Variants in CASKIN1 observed in about 807,000 individuals in gnomAD.
The protein encoded by CASKIN1 is CASK interacting protein 1.
A neutral mutation model predicts 117.5 loss-of-function variants in CASKIN1; 42 were observed. The ratio of observed to expected loss-of-function variants is 0.36; its 90% CI spans 0.28 to 0.46. The LOEUF is 0.46. CASKIN1 is among the 20% of genes least tolerant of loss of function. CASKIN1 has a pLI of 1.00. For synonymous variants in CASKIN1, 1,148 were observed against 961.7 expected, an observed-to-expected ratio of 1.19 and a Z score of -3.59; for missense variants, 2,083 against 2,077.3, an observed-to-expected ratio of 1.00 and a Z score of -0.05.
In CASKIN1 at chr16:2,187,251, C is replaced by T; in HGVS notation, c.750G>A (p.Arg250=). Residue 250 remains arginine, a synonymous_variant, in exon 8 of 20, where the codon AGG becomes AGA. Transcript: ENST00000343516. ...CCAGGGCTGTCTGGCTGTAGGTGTT[C>T]CTCACGTGGGCATTGATCCCGCTCT... The part of the protein sequence containing the change: ...LLDSGINAHV[R]NTYSQTALDI... 1 of 1,614,036 alleles carries T rather than the reference C, an allele frequency of 6.2e-7. No individual in the cohort carries two copies. The highest frequency in any genetic ancestry group is 8.5e-7 in the Non-Finnish European group (1 of 1,179,970).
chr16:2,191,381 G>A (rs902557501), intron 1 of CASKIN1, among the ~76,000 whole-genome samples: 3 of 152,208 alleles, frequency 2.0e-5, no homozygotes, highest in Non-Finnish European at 2.9e-5. Context: ...GATGACCCAC[G>A]AGGCTGGCCG....
intron 19 of CASKIN1, 50 bp downstream of exon 19, chr16:2,178,852 A>G (rs1035926889): frequency 1.7e-5 from 21 of 1,230,900 alleles, no homozygotes; most frequent in Admixed American, 8.8e-5. Context: ...AGCCCCGCCC[A>G]TCTCTGCCGA....
chr16:2,185,958 G>A (rs1394138878), intron 10 of CASKIN1, among the ~76,000 whole-genome samples: 1 of 152,158 alleles, frequency 6.6e-6, no homozygotes, highest in Non-Finnish European at 1.5e-5. Context: ...TTCACCAAGA[G>A]CAAACACTTG....
At position 2,186,170 on chromosome 16, in the gene CASKIN1, T is replaced by G. The variant is rs140088932; in HGVS notation, c.1048+537A>C. 4.3e-3 allele frequency among the ~76,000 whole-genome samples: 648 copies of G among 152,264 alleles called. 2 individuals are homozygous for G. Among genetic ancestry groups the G allele is most frequent in the African/African-American group, 0.015 (604 of 41,552 alleles). On this transcript the variant is annotated intron_variant, in intron 10 of 19. Transcript: ENST00000343516. ...TTTTTGTAGACATGGAATCTCACTATGTTGCCCAGGCTGATCTCGAACTCC... is the reference window on the plus strand; with the variant it reads ...TTTTTGTAGACATGGAATCTCACTAGGTTGCCCAGGCTGATCTCGAACTCC...
intron 1 of CASKIN1, among the ~76,000 whole-genome samples, chr16:2,195,916 C>A (rs1218006144): frequency 6.6e-6 from 1 of 152,086 alleles, no homozygotes; most frequent in Non-Finnish European, 1.5e-5. Context: ...CTGTCACCTC[C>A]CGGGTCGCCC....
In CASKIN1 at chr16:2,178,147, G is replaced by A. The variant is rs1399449032; in HGVS notation, c.*403C>T. 4.1e-6 allele frequency: 2 copies of A among 493,542 alleles called. No individual in the cohort carries two copies. Among genetic ancestry groups the A allele is most frequent in the Non-Finnish European group, 7.8e-6 (2 of 257,432 alleles). The allele number at this position is 493,542 out of a possible 1,614,324, so 30.6% of individuals were successfully genotyped here. A position where few individuals can be genotyped will look rare whatever the true frequency, so the allele number is the denominator to read the frequency against. On this transcript the variant is annotated 3_prime_UTR_variant, in exon 20 of 20. Transcript: ENST00000343516. ...ATAGCTTATATTCTGGGGGTGCGGT[G>A]GGGCAGGGGGGCCCTGACCTTGGTC...
intron 2 of CASKIN1, 44 bp from the exon 3 acceptor site, chr16:2,190,214 C>A (rs1315695754): frequency 8.1e-6 from 13 of 1,602,592 alleles, no homozygotes; most frequent in Non-Finnish European, 1.1e-5. Flanking sequence ...CCTGGCGCCC[C>A]GGCCTTCCCG....
chr16:2,179,397 CGGCT>C lies in CASKIN1; in HGVS notation c.3776-76_3776-73del. 1 of 1,336,060 alleles carries C rather than the reference CGGCT, an allele frequency of 7.5e-7. No individual in the cohort carries two copies. Among genetic ancestry groups the C allele is most frequent in the South Asian group, 2.2e-5 (1 of 46,486 alleles). 82.8% of individuals were successfully genotyped at this position (1,336,060 alleles called of 1,614,324 possible). A position where few individuals can be genotyped will look rare whatever the true frequency, so the allele number is the denominator to read the frequency against. On this transcript the variant is annotated intron_variant, in intron 18 of 19. Transcript: ENST00000343516. This position sits in a 1 kb window ranked among gnomAD's most constrained non-coding sequence, Gnocchi z 5.8. The stretch of plus-strand genomic sequence containing the variant: ...CCGCGCCCCCTGCCCCAGCCTCCCG[CGGCT>C]TCCTCCCCAGCGGACCGGGAAAGAC...
chr16:2,179,620 C>T lies in CASKIN1; in HGVS notation c.3748G>A (p.Val1250Met), dbSNP rs1279658924. Reference sequence around the variant, plus strand: ...GGGCTGCCAGGGCCTGGCAGCGGCACCTTCTTGGAGGTGGGTGTGGGCGAG... The same window carrying T: ...GGGCTGCCAGGGCCTGGCAGCGGCATCTTCTTGGAGGTGGGTGTGGGCGAG... ...QGSPTPTSKKVPLPGPGSPEV... is the reference protein window; with the variant it reads ...QGSPTPTSKKMPLPGPGSPEV... The change falls in exon 18 of 20, where the codon GTG becomes ATG. Residue 1250 changes from valine (V) to methionine (M), a missense_variant. Val to Met is a conservative substitution (Grantham distance 21). Transcript: ENST00000343516. This position sits in a 1 kb window ranked among gnomAD's most constrained non-coding sequence, Gnocchi z 5.8. 2.7e-6 allele frequency: 4 copies of T among 1,463,198 alleles called. No individual in the cohort carries two copies. The African/African-American group carries it at 4.4e-5, about 16-fold the overall frequency. 90.6% of individuals were successfully genotyped at this position (1,463,198 alleles called of 1,614,324 possible).
chr16:2,184,603 A>G (rs377019520), intron 14 of CASKIN1, among the ~76,000 whole-genome samples, 174 bp downstream of exon 14: 1 of 152,272 alleles, frequency 6.6e-6, no homozygotes, highest in East Asian at 1.9e-4. Context: ...ACCCGTACAC[A>G]CAGGCAGACA....
chr16:2,192,345 C>A (rs944423877), intron 1 of CASKIN1, among the ~76,000 whole-genome samples: 1 of 151,756 alleles, frequency 6.6e-6, no homozygotes, highest in Non-Finnish European at 1.5e-5. Flanking sequence ...GATCTTGCCA[C>A]GCCTCTCCTG....
rs569177877 is a variant in CASKIN1, at chr16:2,177,420, T to A, written c.*1130A>T. On this transcript the variant is annotated 3_prime_UTR_variant, in exon 20 of 20. Coordinates refer to ENST00000343516, the MANE Select transcript of CASKIN1 (RefSeq NM_020764.4). ...ACAATCGCTGGTTTTCGGCATTTTT[T>A]AAATTTTTTTTTTAAGAAACGTCAA... 210 of 232,810 alleles carry A rather than the reference T, an allele frequency of 9.0e-4. No homozygotes were observed. The highest frequency in any genetic ancestry group is 1.4e-3 in the Non-Finnish European group (168 of 117,776). The allele number at this position is 232,810 out of a possible 1,614,324, so 14.4% of individuals were successfully genotyped here.
intron 1 of CASKIN1, among the ~76,000 whole-genome samples, chr16:2,195,552 T>C (rs1006838876): frequency 1.3e-5 from 2 of 152,180 alleles, no homozygotes; most frequent in Non-Finnish European, 2.9e-5. Context: ...CCAGGATGAG[T>C]GCTGGGACCA....
intron 6 of CASKIN1, among the ~76,000 whole-genome samples, 181 bp from the exon 7 acceptor site, chr16:2,187,642 A>T (rs903692357): frequency 2.9e-4 from 44 of 151,946 alleles, no homozygotes; most frequent in Non-Finnish European, 6.0e-4. Flanking sequence ...TCTTTTTGAG[A>T]CGGAGTTTCA....
Position 2,183,816 on chromosome 16 carries a change from G to C in CASKIN1, c.1527+15C>G. The stretch of plus-strand genomic sequence containing the variant: ...GTGGGACGCAGCTGGCGCTGGCGGC[G>C]CATGGAAAGCTCACCTCGGGAGTCA... On this transcript the variant is annotated intron_variant, in intron 15 of 19. Transcript: ENST00000343516. 7.4e-6 allele frequency: 12 copies of C among 1,611,702 alleles called. No homozygotes were observed. The highest frequency in any genetic ancestry group is 1.0e-5 in the Non-Finnish European group (12 of 1,178,732).
chr16:2,188,889 G>T (rs2093192674), intron 6 of CASKIN1, 138 bp downstream of exon 6: 2 of 1,267,352 alleles, frequency 1.6e-6, no homozygotes, highest in African/African-American at 1.5e-5. Context: ...TGGAGGCCAT[G>T]CCAGAGGCCT....
At chr16:2,192,528 C>A (rs1176647495) in intron 1 of CASKIN1, among the ~76,000 whole-genome samples, 1 of 152,136 alleles carries the variant, frequency 6.6e-6, no homozygotes, top group East Asian at 1.9e-4. Context: ...TCCAGACGTT[C>A]CTCCAACATA....
chr16:2,177,308 C>T lies in CASKIN1; in HGVS notation c.*1242G>A, dbSNP rs1025164485. On this transcript the variant is annotated 3_prime_UTR_variant, in exon 20 of 20. Coordinates refer to ENST00000343516, the MANE Select transcript of CASKIN1 (RefSeq NM_020764.4). Reference sequence around the variant, plus strand: ...GGGGGGACAGCTGGGCACGTCCACTCGCAGGGAAACACGGGGTGAGACAGC... The same window carrying T: ...GGGGGGACAGCTGGGCACGTCCACTTGCAGGGAAACACGGGGTGAGACAGC... The T allele has an allele frequency of 1.3e-5, 3 of 234,586 alleles. No individual in the cohort carries two copies. Among genetic ancestry groups the T allele is most frequent in the Non-Finnish European group, 2.5e-5 (3 of 118,884 alleles). The allele number at this position is 234,586 out of a possible 1,614,324, so 14.5% of individuals were successfully genotyped here. A position where few individuals can be genotyped will look rare whatever the true frequency, so the allele number is the denominator to read the frequency against.
At chr16:2,184,610 G>A (rs535240687) in intron 14 of CASKIN1, among the ~76,000 whole-genome samples, 167 bp downstream of exon 14, 3 of 152,254 alleles carry the variant, frequency 2.0e-5, no homozygotes, top group South Asian at 2.1e-4. Flanking sequence ...CACACAGGCA[G>A]ACACACACAC....
Sources: allele counts gnomAD v4.1 joint callset (sites outside exome capture counted in the v4.1 genomes callset), GRCh38; gene constraint gnomAD v4.1.1; non-coding constraint Gnocchi (gnomAD v3.1); transcripts MANE v1.5; gene names NCBI Gene and HGNC (gene_info 2026-07-23, HGNC 2026-07-21).